Variants in CNTN4 observed in about 807,000 individuals in gnomAD.
CNTN4 encodes the protein contactin-4.
Under a neutral mutation model 122.5 loss-of-function variants are expected in CNTN4, and 77 were observed. The observed-to-expected ratio is 0.63, with a 90% CI of 0.52 to 0.76. The LOEUF (loss-of-function observed/expected upper bound fraction) is 0.76, where lower values mean the gene tolerates loss of function less well. Among genes scored for constraint, CNTN4 ranks in the 30% least tolerant of loss-of-function variants. The probability of loss-of-function intolerance (pLI) is 0.00; values close to 1 mark genes in which losing one functional copy is unlikely to be tolerated. For missense variants in CNTN4, 1,256 were observed against 1,259.1 expected (o/e 1.00, Z 0.04); for synonymous variants, 512 against 447.0 (o/e 1.15, Z -1.83).
Position 2,880,813 on chromosome 3 carries a change from G to A in CNTN4, c.653-2332G>A, listed in dbSNP as rs61084381. ...TTTTCTGTGGGACTAAAGATAAACC[G>A]TTTAACTCTTGAGATTACAGCCTTG... On this transcript the variant is annotated intron_variant, in intron 8 of 24. Coordinates refer to ENST00000418658, the MANE Select transcript of CNTN4 (RefSeq NM_175607.3). Among the ~76,000 whole-genome samples the A allele has an allele frequency of 7.7e-3, 1,179 of 152,262 alleles. 17 individuals are homozygous for A. Among genetic ancestry groups the A allele is most frequent in the African/African-American group, 0.027 (1,127 of 41,540 alleles).
chr3:2,206,599 T>C (rs2038354955), intron 2 of CNTN4, among the ~76,000 whole-genome samples: 1 of 152,002 alleles, frequency 6.6e-6, no homozygotes, highest in African/African-American at 2.4e-5. Context: ...ACTTTTGGAG[T>C]CGGTTTTGTT....
chr3:2,916,808 G>GGC (rs2094364888), intron 12 of CNTN4, among the ~76,000 whole-genome samples: 1 of 150,604 alleles, frequency 6.6e-6, no homozygotes, highest in African/African-American at 2.5e-5. Context: ...CTCCCAGACG[G>GGC]GGCCGCCGGG....
chr3:2,137,412 C>A (rs2034747769), intron 2 of CNTN4, among the ~76,000 whole-genome samples: 1 of 151,988 alleles, frequency 6.6e-6, no homozygotes, highest in South Asian at 2.1e-4. Context: ...ACCACTTATT[C>A]TGTTTCTTAA....
intron 4 of CNTN4, among the ~76,000 whole-genome samples, chr3:2,710,085 C>T (rs193013949): frequency 1.4e-3 from 212 of 152,204 alleles, no homozygotes; most frequent in African/African-American, 5.0e-3. Flanking sequence ...AATATTAGTT[C>T]GAACCACAGT....
At chr3:2,376,379 GATGTGTTTT>G (rs2045816934) in intron 3 of CNTN4, among the ~76,000 whole-genome samples, 1 of 152,162 alleles carries the variant, frequency 6.6e-6, no homozygotes, top group African/African-American at 2.4e-5. Context: ...TGATGGTGTT[GATGTGTTTT>G]ATGGTAAGAA....
rs1220761684 is a variant in CNTN4 at position 2,600,005 on chromosome 3, C to CTTT, written c.55+28449_55+28450insTTT. On this transcript the variant is annotated intron_variant, in intron 4 of 24. Coordinates refer to ENST00000418658, the MANE Select transcript of CNTN4 (RefSeq NM_175607.3). ...CAACTCTATTTTGGTTTATGGAATT[C>CTTT]TTCTTTTTTTTTTTTTTTTTTTTTT... 5.0e-4 allele frequency among the ~76,000 whole-genome samples: 14 copies of CTTT among 28,264 alleles called. 2 individuals carry two copies. The highest frequency in any genetic ancestry group is 1.4e-3 in the Admixed American group (3 of 2,192). The allele number at this position is 28,264 out of a possible 152,430, so 18.5% of individuals were successfully genotyped here.
chr3:2,907,866 C>T (rs774783733), intron 12 of CNTN4, among the ~76,000 whole-genome samples: 8 of 152,214 alleles, frequency 5.3e-5, no homozygotes, highest in Admixed American at 3.3e-4. Flanking sequence ...GTGATTTACT[C>T]ACTGGATGGG....
At chr3:2,660,371 A>T (rs2083824620) in intron 4 of CNTN4, among the ~76,000 whole-genome samples, 1 of 152,208 alleles carries the variant, frequency 6.6e-6, no homozygotes, top group African/African-American at 2.4e-5. Flanking sequence ...TTCATGTGTG[A>T]GGAGATAAAG....
At chr3:2,963,748 CTT>C (rs768578481) in intron 13 of CNTN4, among the ~76,000 whole-genome samples, 45 of 152,198 alleles carry the variant, frequency 3.0e-4, no homozygotes, top group Non-Finnish European at 5.3e-4. Context: ...ACTGCACTAA[CTT>C]ATCACATTCA....
chr3:2,406,704 A>C (rs564310052), intron 3 of CNTN4, among the ~76,000 whole-genome samples: 3 of 152,300 alleles, frequency 2.0e-5, no homozygotes, highest in Admixed American at 1.3e-4. Context: ...CCATCTGTAA[A>C]GTTTGCCTAA....
chr3:2,975,194 G>GA (rs555707210), intron 13 of CNTN4, among the ~76,000 whole-genome samples: 292 of 144,800 alleles, frequency 2.0e-3, no homozygotes, highest in East Asian at 0.01. Flanking sequence ...AAAGCAAACA[G>GA]AAAAAAAAAA....
intron 4 of CNTN4, among the ~76,000 whole-genome samples, chr3:2,688,421 C>T (rs868364351): frequency 3.9e-5 from 6 of 152,170 alleles, no homozygotes; most frequent in Non-Finnish European, 5.9e-5. Flanking sequence ...ATTACACAAG[C>T]TGTATTTTAT....
intron 3 of CNTN4, among the ~76,000 whole-genome samples, chr3:2,514,712 T>G (rs2076990727): frequency 6.6e-6 from 1 of 152,174 alleles, no homozygotes; most frequent in Non-Finnish European, 1.5e-5. Context: ...GTATGATTTC[T>G]GTGATCCTTC....
rs376333687 is a variant in CNTN4, at chr3:2,502,431, G to C, written c.-88-68985G>C. 3.3e-5 allele frequency among the ~76,000 whole-genome samples: 5 copies of C among 152,154 alleles called. No individual in the cohort carries two copies. The South Asian group carries it at 6.2e-4, about 19-fold the overall frequency. On this transcript the variant is annotated intron_variant, in intron 3 of 24. Transcript: ENST00000418658. ...GAGGTACTTTCTTGCACAATTCCAGGAAGTACATTTACATTAGATAGTACA... is the reference window on the plus strand; with the variant it reads ...GAGGTACTTTCTTGCACAATTCCAGCAAGTACATTTACATTAGATAGTACA...
At chr3:2,910,022 C>T (rs759436735) in intron 12 of CNTN4, among the ~76,000 whole-genome samples, 55 of 152,162 alleles carry the variant, frequency 3.6e-4, no homozygotes, top group Non-Finnish European at 6.9e-4. Context: ...CGAAGTACCC[C>T]TGTATGAGAG....
chr3:2,540,298 G>A (rs564064455), intron 3 of CNTN4, among the ~76,000 whole-genome samples: 1 of 151,946 alleles, frequency 6.6e-6, no homozygotes, highest in African/African-American at 2.4e-5. Context: ...GTTTGGTTAC[G>A]TGGGATTGCA....
chr3:2,811,574 C>A (rs2150145679), intron 6 of CNTN4, among the ~76,000 whole-genome samples: 1 of 151,518 alleles, frequency 6.6e-6, no homozygotes, highest in South Asian at 2.1e-4. Context: ...CATTCTCCTG[C>A]CTCAGCGTCC....
chr3:2,386,541 G>T (rs143411999), intron 3 of CNTN4, among the ~76,000 whole-genome samples: 2 of 152,204 alleles, frequency 1.3e-5, no homozygotes, highest in Non-Finnish European at 2.9e-5. Context: ...TGTTGGAAAA[G>T]ATGTTTTCAT....
At chr3:2,418,471 A>G (rs1437409921) in intron 3 of CNTN4, among the ~76,000 whole-genome samples, 4 of 152,200 alleles carry the variant, frequency 2.6e-5, no homozygotes, top group Admixed American at 1.3e-4. Context: ...TCTAATCATT[A>G]GATACTCAAT....
Sources: gnomAD v4.1 joint callset for allele counts (sites outside exome capture counted in the v4.1 genomes callset) on GRCh38, gnomAD v4.1.1 for gene constraint, MANE v1.5 for transcripts, NCBI Gene and HGNC (gene_info 2026-07-23, HGNC 2026-07-21) for gene names.